Variants in CDH15 observed in about 807,000 individuals in gnomAD.
CDH15 encodes cadherin-15.
Under a neutral mutation model 69.4 loss-of-function variants are expected in CDH15, and 73 were observed. The observed-to-expected ratio is 1.05, with a 90% CI of 0.87 to 1.28. The LOEUF is 1.28. Among genes scored for constraint, CDH15 ranks in the 50% most tolerant of loss-of-function variants. The pLI is 0.00. For missense variants in CDH15, 1,343 were observed against 1,133.6 expected, an observed-to-expected ratio of 1.18 and a Z score of -2.65; for synonymous variants, 624 against 507.7, an observed-to-expected ratio of 1.23 and a Z score of -3.08.
intron 1 of CDH15, among the ~76,000 whole-genome samples, chr16:89,172,585 C>T (rs529774041): frequency 2.0e-5 from 3 of 152,276 alleles, no homozygotes; most frequent in Admixed American, 2.0e-4. Context: ...AAAATCTTGT[C>T]TGGACTGCTG....
Position 89,179,881 on chromosome 16 carries a change from G to A in CDH15, c.201+307G>A, listed in dbSNP as rs548576029. 4.6e-5 allele frequency among the ~76,000 whole-genome samples: 7 copies of A among 152,334 alleles called. No individual in the cohort carries two copies. In the South Asian group the frequency reaches 6.2e-4, roughly 14 times the overall value. ...GATTTTTGTGTGCGTGTTCGCCGACGCTGAGTAGATGGAGGTGAAGGTGAA... is the reference window on the plus strand; with the variant it reads ...GATTTTTGTGTGCGTGTTCGCCGACACTGAGTAGATGGAGGTGAAGGTGAA... On this transcript the variant is annotated intron_variant, in intron 2 of 13. Coordinates refer to ENST00000289746, the MANE Select transcript of CDH15 (RefSeq NM_004933.3).
chr16:89,192,096 G>A (rs1438970744), intron 10 of CDH15, 109 bp from the exon 11 acceptor site: 14 of 1,376,172 alleles, frequency 1.0e-5, no homozygotes, highest in Non-Finnish European at 1.3e-5. Context: ...GGGGTGGGGG[G>A]GACCCAGGCC....
At position 89,174,651 on chromosome 16, in the gene CDH15, G is replaced by A. The variant is rs575412961; in HGVS notation, c.42+2778G>A. 9.8e-5 allele frequency among the ~76,000 whole-genome samples: 15 copies of A among 152,302 alleles called. No individual in the cohort carries two copies. The East Asian group carries it at 1.4e-3, about 14-fold the overall frequency. On this transcript the variant is annotated intron_variant, in intron 1 of 13. Coordinates refer to ENST00000289746, the MANE Select transcript of CDH15 (RefSeq NM_004933.3). ...TGGCTGCAGGGCGGTGGCCCCAGAC[G>A]TCTCAAGGGCTTCGAGGTGGTTCCC...
At chr16:89,191,946 C>G (rs1331277983) in intron 10 of CDH15, 52 bp downstream of exon 10, 71 of 1,489,566 alleles carry the variant, frequency 4.8e-5, no homozygotes, top group Non-Finnish European at 6.4e-5. Context: ...CCCCCCACCC[C>G]CACATTCCGG....
In CDH15 at chr16:89,185,250, C is replaced by T. The variant is rs1567773399; in HGVS notation, c.580C>T (p.Leu194=). The change falls in exon 5 of 14, where the codon CTG becomes TTG. Residue 194 remains leucine (L), a synonymous_variant. Transcript: ENST00000289746. Reference sequence around the variant, plus strand: ...CAACGCAGCGCTGCGGTTCTCCATCCTGCAGCAGGGCAGCCCCGAGCTCTT... The same window carrying T: ...CAACGCAGCGCTGCGGTTCTCCATCTTGCAGCAGGGCAGCCCCGAGCTCTT... ...TDNAALRFSI[L]QQGSPELFSI... 2 of 1,606,220 alleles carry T rather than the reference C, an allele frequency of 1.2e-6. No homozygotes were observed. The highest frequency in any genetic ancestry group is 1.7e-6 in the Non-Finnish European group (2 of 1,176,690).
intron 1 of CDH15, among the ~76,000 whole-genome samples, chr16:89,172,318 T>A (rs1025635258): frequency 4.0e-5 from 6 of 151,842 alleles, no homozygotes; most frequent in Non-Finnish European, 8.8e-5. Flanking sequence ...TAGTCTTGGG[T>A]TTTGTCCAAA....
intron 1 of CDH15, among the ~76,000 whole-genome samples, chr16:89,173,301 AG>A (rs1915195102): frequency 6.6e-6 from 1 of 152,070 alleles, no homozygotes; most frequent in African/African-American, 2.4e-5. Flanking sequence ...GGTGGTGGGG[AG>A]GCTGGCGCCT....
At position 89,171,780 on chromosome 16, in the gene CDH15, G is replaced by T. The variant is rs931505210; in HGVS notation, c.-52G>T. Reference sequence around the variant, plus strand: ...ACTTGCGCTGTCACTCAGCCTGGACGCGCTTCTTCGGGTCGCGGGTGCACT... The same window carrying T: ...ACTTGCGCTGTCACTCAGCCTGGACTCGCTTCTTCGGGTCGCGGGTGCACT... On this transcript the variant is annotated 5_prime_UTR_variant, in exon 1 of 14. Coordinates refer to ENST00000289746, the MANE Select transcript of CDH15 (RefSeq NM_004933.3). 4 of 1,523,286 alleles carry T rather than the reference G, an allele frequency of 2.6e-6. No homozygotes were observed. The highest frequency in any genetic ancestry group is 3.5e-6 in the Non-Finnish European group (4 of 1,135,282). The allele number at this position is 1,523,286 out of a possible 1,614,324, so 94.4% of individuals were successfully genotyped here.
Position 89,195,000 on chromosome 16 carries a change from G to A in CDH15, c.2290G>A (p.Asp764Asn), listed in dbSNP as rs769715506. ...CCAGGGCGATGAGGACCAGGACTACGACTACCTCAGAGACTGGGGGCCCCG... is the reference window on the plus strand; with the variant it reads ...CCAGGGCGATGAGGACCAGGACTACAACTACCTCAGAGACTGGGGGCCCCG... Reference protein sequence around the residue: ...SSQGDEDQDYDYLRDWGPRFA... With the variant: ...SSQGDEDQDYNYLRDWGPRFA... The change falls in exon 14 of 14, where the codon GAC becomes AAC. Residue 764 changes from aspartate to asparagine, a missense_variant. Physicochemically the swap from Asp to Asn is conservative, Grantham distance 23. Coordinates refer to ENST00000289746, the MANE Select transcript of CDH15 (RefSeq NM_004933.3). 6.1e-5 allele frequency: 98 copies of A among 1,611,882 alleles called. No homozygotes were observed. The highest frequency in any genetic ancestry group is 3.5e-4 in the South Asian group (32 of 90,944).
At chr16:89,187,580 G>A (rs769846673) in intron 6 of CDH15, 23 bp downstream of exon 6, 19 of 1,612,862 alleles carry the variant, frequency 1.2e-5, no homozygotes, top group South Asian at 4.4e-5. Context: ...TCCCTCCCTC[G>A]AAAGTAGCCC....
intron 5 of CDH15, chr16:89,185,543 G>A: frequency 3.1e-6 from 2 of 649,202 alleles, no homozygotes; most frequent in Non-Finnish European, 5.5e-6. Context: ...GGAGGGGTCT[G>A]GTGCAAGTAG....
At position 89,171,857 on chromosome 16, in the gene CDH15, T is replaced by A; in HGVS notation, c.26T>A (p.Leu9His). 6.4e-7 allele frequency: 1 copy of A among 1,559,506 alleles called. No homozygotes were observed. The highest frequency in any genetic ancestry group is 8.7e-7 in the Non-Finnish European group (1 of 1,155,452). Residue 9 changes from leucine (L) to histidine (H), a missense_variant, in exon 1 of 14, where the codon CTC becomes CAC. Physicochemically the swap from Leu to His is moderately conservative, Grantham distance 99 (BLOSUM62 -3). Transcript: ENST00000289746. ...ATGGACGCCGCGTTCCTCCTCGTCC[T>A]CGGGCTGTTGGCCCAGGTAAGGCAT... MDAAFLLV[L>H]GLLAQSLCLS...
intron 1 of CDH15, among the ~76,000 whole-genome samples, chr16:89,172,946 C>T (rs1915187211): frequency 6.6e-6 from 1 of 152,146 alleles, no homozygotes; most frequent in Non-Finnish European, 1.5e-5. Context: ...GAAGCCACTC[C>T]TTTCCCAGCC....
At chr16:89,172,799 G>A (rs1204123248) in intron 1 of CDH15, among the ~76,000 whole-genome samples, 4 of 152,228 alleles carry the variant, frequency 2.6e-5, no homozygotes, top group Admixed American at 1.3e-4. Context: ...TGGTTGGGAC[G>A]TCACTGGGTA....
At position 89,183,691 on chromosome 16, in the gene CDH15, A is replaced by C. The variant is rs777200106; in HGVS notation, c.501A>C (p.Pro167=). ...GCCGCGTGCTGGAGGGTGCAGTCCC[A>C]GGTGAGACAGGACCACAGCCCCGGG... ...FTGRVLEGAV[P]GTYVTRAEAT... is the part of the protein sequence containing the mutation. The change falls in exon 4 of 14, where the codon CCA becomes CCC. Residue 167 remains proline, a splice_region_variant and synonymous_variant. Transcript: ENST00000289746. 3 of 1,598,042 alleles carry C rather than the reference A, an allele frequency of 1.9e-6. No individual in the cohort carries two copies. In the South Asian group the frequency reaches 3.4e-5, roughly 18 times the overall value.
Position 89,195,006 on chromosome 16 carries a change from C to T in CDH15, c.2296C>T (p.Leu766Phe). 6.2e-7 allele frequency: 1 copy of T among 1,612,232 alleles called. No individual in the cohort carries two copies. The highest frequency in any genetic ancestry group is 8.5e-7 in the Non-Finnish European group (1 of 1,179,748). Residue 766 changes from leucine (L) to phenylalanine (F), a missense_variant, in exon 14 of 14, where the codon CTC (leucine) becomes TTC (phenylalanine). Leu to Phe is a conservative substitution (Grantham distance 22). Coordinates refer to ENST00000289746, the MANE Select transcript of CDH15 (RefSeq NM_004933.3). Reference protein sequence around the residue: ...QGDEDQDYDYLRDWGPRFARL... With the variant: ...QGDEDQDYDYFRDWGPRFARL... ...CGATGAGGACCAGGACTACGACTACCTCAGAGACTGGGGGCCCCGCTTCGC... is the reference window on the plus strand; with the variant it reads ...CGATGAGGACCAGGACTACGACTACTTCAGAGACTGGGGGCCCCGCTTCGC...
At chr16:89,188,051 G>A (rs1291533150) in intron 6 of CDH15, 49 bp from the exon 7 acceptor site, 1 of 1,536,564 alleles carries the variant, frequency 6.5e-7, no homozygotes, top group East Asian at 2.4e-5. Flanking sequence ...CCCCACCCAT[G>A]CTGTCCCCCC....
intron 13 of CDH15, 34 bp downstream of exon 13, chr16:89,193,947 G>A (rs1241992500): frequency 1.2e-6 from 2 of 1,606,352 alleles, no homozygotes; most frequent in African/African-American, 1.3e-5. Flanking sequence ...AGTACACACA[G>A]GCACGCACAG....
intron 5 of CDH15, 102 bp from the exon 6 acceptor site, chr16:89,187,327 G>A (rs998932998): frequency 1.1e-5 from 16 of 1,436,738 alleles, no homozygotes; most frequent in Admixed American, 1.1e-4. Context: ...GGGTGCTCCC[G>A]TAGGAACTGA....
Sources: allele counts gnomAD v4.1 joint callset (sites outside exome capture counted in the v4.1 genomes callset), GRCh38; gene constraint gnomAD v4.1.1; transcripts MANE v1.5; gene names NCBI Gene and HGNC (gene_info 2026-07-23, HGNC 2026-07-21).